CAGE1: variants seen among roughly 807,000 people sequenced by gnomAD.
The protein encoded by CAGE1 is cancer-associated gene 1 protein.
A neutral mutation model predicts 94.9 loss-of-function variants in CAGE1; 66 were observed. The observed-to-expected ratio is 0.70, with a 90% CI of 0.57 to 0.85. CAGE1 has a LOEUF of 0.85. Among genes scored for constraint, CAGE1 ranks in the 40% least tolerant of loss-of-function variants. The pLI, the probability that CAGE1 is intolerant of heterozygous loss-of-function variation, is 0.00. For missense variants in CAGE1, 865 were observed against 950.4 expected (o/e 0.91, Z 1.18); for synonymous variants, 319 against 321.0 (o/e 0.99, Z 0.07).
chr6:7,337,062 C>A (rs1192229064), intron 11 of CAGE1, among the ~76,000 whole-genome samples: 1 of 152,022 alleles, frequency 6.6e-6, no homozygotes, highest in Non-Finnish European at 1.5e-5. Context: ...GTGGCTCACA[C>A]CTGTAATCCC....
At chr6:7,385,377 A>G (rs775595593) in intron 3 of CAGE1, among the ~76,000 whole-genome samples, 6 of 151,844 alleles carry the variant, frequency 4.0e-5, no homozygotes, top group Non-Finnish European at 5.9e-5. Context: ...ATCATAGCTC[A>G]TAACAGCCTT....
chr6:7,333,636 AAC>A (rs1200419569), intron 12 of CAGE1, among the ~76,000 whole-genome samples: 334 of 43,480 alleles, frequency 7.7e-3, no homozygotes, highest in African/African-American at 0.026. Context: ...CTATCTATCT[AAC>A]TATCTATATA....
intron 3 of CAGE1, among the ~76,000 whole-genome samples, chr6:7,384,890 G>A (rs934880680): frequency 6.6e-6 from 1 of 152,110 alleles, no homozygotes; most frequent in African/African-American, 2.4e-5. Flanking sequence ...TAGAGACGGG[G>A]TTTCGTCCTA....
intron 11 of CAGE1, among the ~76,000 whole-genome samples, chr6:7,350,718 A>G (rs1292106054): frequency 6.6e-6 from 1 of 152,212 alleles, no homozygotes; most frequent in Non-Finnish European, 1.5e-5. Context: ...CTCAACTACA[A>G]TAATGACAGA....
At chr6:7,383,114 A>G (rs950024843) in intron 3 of CAGE1, among the ~76,000 whole-genome samples, 8 of 152,270 alleles carry the variant, frequency 5.3e-5, no homozygotes, top group African/African-American at 1.7e-4. Context: ...TGATGGTTTC[A>G]AAGTGTTTGG....
chr6:7,354,899 C>A, intron 11 of CAGE1, 142 bp downstream of exon 11: 1 of 581,348 alleles, frequency 1.7e-6, no homozygotes. Flanking sequence ...GCAGTCTATA[C>A]CTATATTAAT....
At chr6:7,380,729 A>G (rs1760905086) in intron 3 of CAGE1, among the ~76,000 whole-genome samples, 1 of 152,082 alleles carries the variant, frequency 6.6e-6, no homozygotes, top group Admixed American at 6.6e-5. Flanking sequence ...CTACTGAAAG[A>G]TTACACTTTA....
chr6:7,335,580 T>A (rs912556186), intron 11 of CAGE1, among the ~76,000 whole-genome samples: 1 of 152,254 alleles, frequency 6.6e-6, no homozygotes, highest in Non-Finnish European at 1.5e-5. Context: ...TTATTTATTT[T>A]TAAAGTTTTA....
chr6:7,331,618 C>T (rs1478529914), intron 12 of CAGE1: 4 of 284,884 alleles, frequency 1.4e-5, no homozygotes, highest in East Asian at 8.4e-5. Context: ...TGCAACTCTA[C>T]GCTGTTTAAG....
At chr6:7,344,237 C>T (rs1194752619) in intron 11 of CAGE1, among the ~76,000 whole-genome samples, 1 of 152,082 alleles carries the variant, frequency 6.6e-6, no homozygotes, top group African/African-American at 2.4e-5. Context: ...CCAGCGGGAA[C>T]CGGGGCTGGG....
rs1480244950 is a variant in CAGE1, at chr6:7,333,630, CTATCTAACTATCTATATATATATATA to C, written c.2438+366_2438+391del. Reference sequence around the variant, plus strand: ...TTTTTTTTAAGTATTATCTAACTATCTATCTAACTATCTATATATATATATATATATATATATATATATACATTTTT... The same window carrying C: ...TTTTTTTTAAGTATTATCTAACTATCTATATATATATATATATACATTTTT... On this transcript the variant is annotated intron_variant, in intron 12 of 13. Transcript: ENST00000502583. Among the ~76,000 whole-genome samples, 401 of 64,490 alleles carry C rather than the reference CTATCTAACTATCTATATATATATATA, an allele frequency of 6.2e-3. 1 individual carries two copies. The highest frequency in any genetic ancestry group is 0.035 in the Middle Eastern group (5 of 142). 42.3% of individuals were successfully genotyped at this position (64,490 alleles called of 152,430 possible).
chr6:7,334,035 CT>C lies in CAGE1; in HGVS notation c.2424del (p.Ala809ProfsTer9). 6.5e-7 allele frequency: 1 copy of C among 1,531,580 alleles called. No individual in the cohort carries two copies. The highest frequency in any genetic ancestry group is 8.8e-7 in the Non-Finnish European group (1 of 1,130,806). The allele number at this position is 1,531,580 out of a possible 1,614,324, so 94.9% of individuals were successfully genotyped here. A position where few individuals can be genotyped will look rare whatever the true frequency, so the allele number is the denominator to read the frequency against. ...AGGGAAACTTACCTTGGTTTTCTGGCTTTTTCTCTGGGCTTTCTAATTAAAT... is the reference window on the plus strand; with the variant it reads ...AGGGAAACTTACCTTGGTTTTCTGGCTTTTCTCTGGGCTTTCTAATTAAAT... ...LEDLIRKPRE[K>X]ARKPRSKSLE... On this transcript the variant is annotated frameshift_variant, in exon 12 of 14. Transcript: ENST00000502583. LOFTEE classifies it high-confidence loss of function.
At chr6:7,359,435 G>A (rs1361879513) in intron 9 of CAGE1, among the ~76,000 whole-genome samples, 3 of 152,156 alleles carry the variant, frequency 2.0e-5, no homozygotes, top group African/African-American at 7.2e-5. Flanking sequence ...CTGCAGCACA[G>A]AGCACAGACA....
chr6:7,329,767 A>G, intron 13 of CAGE1, 82 bp downstream of exon 13: 1 of 704,666 alleles, frequency 1.4e-6, no homozygotes, highest in Non-Finnish European at 2.5e-6. Context: ...ATGTGACTTC[A>G]GGAACTCCTA....
At chr6:7,349,005 A>G (rs758753656) in intron 11 of CAGE1, among the ~76,000 whole-genome samples, 18 of 152,232 alleles carry the variant, frequency 1.2e-4, no homozygotes, top group Admixed American at 2.6e-4. Flanking sequence ...TAATCGAGGA[A>G]AACTTCCCTG....
chr6:7,344,449 T>TA (rs779414656), intron 11 of CAGE1, among the ~76,000 whole-genome samples: 17 of 152,318 alleles, frequency 1.1e-4, no homozygotes, highest in Admixed American at 2.0e-4. Flanking sequence ...TTAGCTGCCT[T>TA]CCCGCAGGGC....
Position 7,389,684 on chromosome 6 carries a change from G to A in CAGE1, c.-506C>T. The A allele has an allele frequency of 4.4e-6, 2 of 451,690 alleles. No homozygotes were observed. The highest frequency in any genetic ancestry group is 8.1e-6 in the Non-Finnish European group (2 of 245,600). 28.0% of individuals were successfully genotyped at this position (451,690 alleles called of 1,614,324 possible). ...CCTCGCCGTGCCGGCTACTCAACACGCCTTCCTGAGAGCACAGAACATCCA... is the reference window on the plus strand; with the variant it reads ...CCTCGCCGTGCCGGCTACTCAACACACCTTCCTGAGAGCACAGAACATCCA... On this transcript the variant is annotated 5_prime_UTR_variant, in exon 1 of 14. Transcript: ENST00000502583.
At chr6:7,361,687 C>A (rs776426086) in intron 9 of CAGE1, among the ~76,000 whole-genome samples, 3 of 152,088 alleles carry the variant, frequency 2.0e-5, no homozygotes, top group Non-Finnish European at 4.4e-5. Context: ...TTGTTTCCCA[C>A]CCTTGCTTTA....
At chr6:7,383,823 T>C (rs1374455331) in intron 3 of CAGE1, among the ~76,000 whole-genome samples, 3 of 152,190 alleles carry the variant, frequency 2.0e-5, no homozygotes, top group Non-Finnish European at 4.4e-5. Context: ...TTTTATAATG[T>C]TTTTTAATGG....
Sources: allele counts gnomAD v4.1 joint callset (sites outside exome capture counted in the v4.1 genomes callset), GRCh38; gene constraint gnomAD v4.1.1; transcripts MANE v1.5; gene names NCBI Gene and HGNC (gene_info 2026-07-23, HGNC 2026-07-21).